Variants in DRG2 observed in about 807,000 individuals in gnomAD.
The protein encoded by DRG2 is developmentally regulated GTP binding protein 2, also known as developmentally-regulated GTP-binding protein 2.
In DRG2, 36 loss-of-function variants were observed where a neutral mutation model predicts 53.4. That is an observed-to-expected ratio of 0.67 (90% CI 0.52 to 0.89). DRG2 has a LOEUF of 0.89. DRG2 is among the 40% of genes least tolerant of loss of function. The pLI is 0.00. For synonymous variants in DRG2, 167 were observed against 192.1 expected (o/e 0.87, Z 1.08); for missense variants, 342 against 481.2 (o/e 0.71, Z 2.71).
At chr17:18,106,197 A>C in intron 11 of DRG2, 1 of 564,970 alleles carries the variant, frequency 1.8e-6, no homozygotes, top group Non-Finnish European at 3.2e-6. Context: ...ATTCCTAACT[A>C]TGCACCACAG....
chr17:18,090,371 TATATATATA>T (rs2045296525), intron 1 of DRG2, among the ~76,000 whole-genome samples: 1 of 8,032 alleles, frequency 1.2e-4, no homozygotes, highest in African/African-American at 6.3e-4. Context: ...GGCTAATTTA[TATATATATA>T]TATATATATA....
At position 18,100,130 on chromosome 17, in the gene DRG2, C is replaced by G. The variant is rs923483008; in HGVS notation, c.468-233C>G. The G allele has an allele frequency of 6.7e-6, 4 of 599,604 alleles. No individual in the cohort carries two copies. In the African/African-American group the frequency reaches 7.4e-5, roughly 11 times the overall value. 37.1% of individuals were successfully genotyped at this position (599,604 alleles called of 1,614,324 possible). ...TGGTCACCTCGCGGGGGCTCCACCA[C>G]TTGCCTGTGCATGCCGACCGTAAAC... On this transcript the variant is annotated intron_variant, in intron 5 of 12. Coordinates refer to ENST00000225729, the MANE Select transcript of DRG2 (RefSeq NM_001388.5). This position sits in a 1 kb window ranked among gnomAD's most constrained non-coding sequence, Gnocchi z 4.1.
intron 8 of DRG2, 38 bp downstream of exon 8, chr17:18,101,628 C>T (rs1317693352): frequency 1.3e-6 from 2 of 1,592,232 alleles, no homozygotes; most frequent in Admixed American, 3.4e-5. Context: ...GGCCACTCGG[C>T]CTTTCTACCA....
rs779751617 is a variant in DRG2, at chr17:18,100,456, T to C, written c.540+21T>C. The C allele has an allele frequency of 6.2e-7, 1 of 1,613,974 alleles. No homozygotes were observed. Among genetic ancestry groups the C allele is most frequent in the Non-Finnish European group, 8.5e-7 (1 of 1,179,904 alleles). On this transcript the variant is annotated intron_variant, in intron 6 of 12. Transcript: ENST00000225729. This position sits in a 1 kb window ranked among gnomAD's most constrained non-coding sequence, Gnocchi z 4.1. ...TCAAGGTGAGGCACCTCTCTGGCCT[T>C]CAGGCCAGGGGTGTGGCAGTTTTGA...
rs1294676151 is a variant in DRG2, at chr17:18,104,640, G to A, written c.913G>A (p.Asp305Asn). 6.2e-7 allele frequency: 1 copy of A among 1,613,898 alleles called. No homozygotes were observed. The highest frequency in any genetic ancestry group is 8.5e-7 in the Non-Finnish European group (1 of 1,180,030). The change falls in exon 11 of 13, where the codon GAC becomes AAC. Residue 305 changes from aspartate (D) to asparagine (N), a missense_variant. Asp to Asn is a conservative substitution (Grantham distance 23). Transcript: ENST00000225729. ...KKRGQRPDFT[D>N]AIILRKGASV... is the part of the protein sequence containing the mutation. ...CCCTGCAGAGAGGCCAGACTTCACA[G>A]ACGCCATCATTCTCCGGAAAGGGGC...
chr17:18,099,511 C>T lies in DRG2; in HGVS notation c.377-122C>T, dbSNP rs2045490470. ...ATGTGGATTAAAGAAAAATGCCAAG[C>T]TTGTGCTAGTATGTGGCAGAGGCTG... On this transcript the variant is annotated intron_variant, in intron 4 of 12. Coordinates refer to ENST00000225729, the MANE Select transcript of DRG2 (RefSeq NM_001388.5). This position sits in a 1 kb window ranked among gnomAD's most constrained non-coding sequence, Gnocchi z 4.4. The T allele has an allele frequency of 1.0e-6, 1 of 1,000,896 alleles. No homozygotes were observed. 62.0% of individuals were successfully genotyped at this position (1,000,896 alleles called of 1,614,324 possible). A position where few individuals can be genotyped will look rare whatever the true frequency, so the allele number is the denominator to read the frequency against.
intron 1 of DRG2, among the ~76,000 whole-genome samples, chr17:18,090,366 A>ATTTATT (rs1443842989): frequency 1.4e-4 from 2 of 14,336 alleles, no homozygotes; most frequent in African/African-American, 2.2e-4. Context: ...CACCGGGCTA[A>ATTTATT]TTTATATATA....
At chr17:18,105,043 C>A (rs1040320961) in intron 11 of DRG2, among the ~76,000 whole-genome samples, 6 of 152,170 alleles carry the variant, frequency 3.9e-5, no homozygotes, top group Non-Finnish European at 8.8e-5. Context: ...GGGAGTGGCA[C>A]CAGCTTAACA....
intron 1 of DRG2, among the ~76,000 whole-genome samples, chr17:18,089,737 C>T (rs781600205): frequency 6.6e-6 from 1 of 152,062 alleles, no homozygotes; most frequent in Non-Finnish European, 1.5e-5. Context: ...GAACCGGTCA[C>T]GCAAACATCT....
chr17:18,104,921 G>A (rs2045601671), intron 11 of DRG2, among the ~76,000 whole-genome samples: 1 of 152,214 alleles, frequency 6.6e-6, no homozygotes, highest in African/African-American at 2.4e-5. Flanking sequence ...GGATAGTCAG[G>A]AGGACACGTT....
At chr17:18,106,512 A>G (rs752131806) in intron 12 of DRG2, 26 bp downstream of exon 12, 14 of 1,613,460 alleles carry the variant, frequency 8.7e-6, no homozygotes, top group Non-Finnish European at 1.1e-5. Flanking sequence ...GAAAGCAACC[A>G]GGGGGGTAGA....
chr17:18,098,212 C>A lies in DRG2; in HGVS notation c.226-58C>A. 1 of 1,465,628 alleles carries A rather than the reference C, an allele frequency of 6.8e-7. No homozygotes were observed. The highest frequency in any genetic ancestry group is 9.5e-7 in the Non-Finnish European group (1 of 1,048,714). 90.8% of individuals were successfully genotyped at this position (1,465,628 alleles called of 1,614,324 possible). A position where few individuals can be genotyped will look rare whatever the true frequency, so the allele number is the denominator to read the frequency against. ...ACCTGCAGGCCCCCAGCCCCTGGGGCCTCTCCCAGAAGGCCAGGGACAAGG... is the reference window on the plus strand; with the variant it reads ...ACCTGCAGGCCCCCAGCCCCTGGGGACTCTCCCAGAAGGCCAGGGACAAGG... On this transcript the variant is annotated intron_variant, in intron 2 of 12. Transcript: ENST00000225729. The surrounding 1 kb of genome is among the most constrained non-coding windows in gnomAD (Gnocchi z 4.1).
chr17:18,102,349 G>A (rs1224327490), intron 9 of DRG2, among the ~76,000 whole-genome samples: 2 of 152,178 alleles, frequency 1.3e-5, no homozygotes, highest in Non-Finnish European at 2.9e-5. Flanking sequence ...TAGGCCAGGC[G>A]TGGTGGCTCA....
chr17:18,098,365 TG>T lies in DRG2; in HGVS notation c.315+9del, dbSNP rs576131367. Reference sequence around the variant, plus strand: ...GTATTCCTGGGGTCATTGAAGTAAGTGGGTGTGCTGGGCCCAGAAGGAGAAG... The same window carrying T: ...GTATTCCTGGGGTCATTGAAGTAAGTGGTGTGCTGGGCCCAGAAGGAGAAG... On this transcript the variant is annotated splice_region_variant and intron_variant, in intron 3 of 12. Transcript: ENST00000225729. This position sits in a 1 kb window ranked among gnomAD's most constrained non-coding sequence, Gnocchi z 4.1. 3.1e-3 allele frequency: 5,000 copies of T among 1,613,236 alleles called. 8 individuals are homozygous for T. The highest frequency in any genetic ancestry group is 3.8e-3 in the Non-Finnish European group (4,493 of 1,179,300).
At chr17:18,104,815 A>G (rs113690017) in intron 11 of DRG2, 134 bp downstream of exon 11, 19 of 1,462,148 alleles carry the variant, frequency 1.3e-5, no homozygotes, top group African/African-American at 1.1e-4. Context: ...CAGGCTCTGG[A>G]GTTGGACAGC....
At position 18,099,716 on chromosome 17, in the gene DRG2, G is replaced by T. The variant is rs1280437317; in HGVS notation, c.460G>T (p.Val154Leu). 6.2e-7 allele frequency: 1 copy of T among 1,603,768 alleles called. No homozygotes were observed. The highest frequency in any genetic ancestry group is 1.7e-5 in the Admixed American group (1 of 58,050). The change falls in exon 5 of 13, where the codon GTG becomes TTG. Residue 154 changes from valine (V) to leucine (L), a missense_variant. Coordinates refer to ENST00000225729, the MANE Select transcript of DRG2 (RefSeq NM_001388.5). This position sits in a 1 kb window ranked among gnomAD's most constrained non-coding sequence, Gnocchi z 4.4. ...IMMLDATKGE[V>L]QRSLLEKELE... Reference sequence around the variant, plus strand: ...GATGCTGGATGCCACCAAGGGAGAGGTGCAGAGGTCCGCAGGGTGGGGCAT... The same window carrying T: ...GATGCTGGATGCCACCAAGGGAGAGTTGCAGAGGTCCGCAGGGTGGGGCAT...
At position 18,088,212 on chromosome 17, in the gene DRG2, A is replaced by G. The variant is rs764472694; in HGVS notation, c.64+125A>G. 5.7e-4 allele frequency: 718 copies of G among 1,251,320 alleles called. 1 individual carries two copies. Among genetic ancestry groups the G allele is most frequent in the Non-Finnish European group, 7.4e-4 (683 of 925,054 alleles). The allele number at this position is 1,251,320 out of a possible 1,614,324, so 77.5% of individuals were successfully genotyped here. A position where few individuals can be genotyped will look rare whatever the true frequency, so the allele number is the denominator to read the frequency against. On this transcript the variant is annotated intron_variant, in intron 1 of 12. Coordinates refer to ENST00000225729, the MANE Select transcript of DRG2 (RefSeq NM_001388.5). ...GAGGCCGCGGAGAAGTTGCCAGACA[A>G]GTGCCGAGGCCGCCCTGCGCGCCCA...
In DRG2 at chr17:18,100,489, T is replaced by C. The variant is rs765560955; in HGVS notation, c.540+54T>C. 2 of 1,613,638 alleles carry C rather than the reference T, an allele frequency of 1.2e-6. No homozygotes were observed. Among genetic ancestry groups the C allele is most frequent in the South Asian group, 1.1e-5 (1 of 91,080 alleles). On this transcript the variant is annotated intron_variant, in intron 6 of 12. Transcript: ENST00000225729. This position sits in a 1 kb window ranked among gnomAD's most constrained non-coding sequence, Gnocchi z 4.1. ...GGGGTGTGGCAGTTTTGAGACTGCA[T>C]TGGCTGGCGGCTGAGGCTGTGGGAC... is the stretch of plus-strand genomic sequence containing the variant.
At chr17:18,097,004 G>A (rs1490076624) in intron 2 of DRG2, 1 of 152,176 alleles carries the variant, frequency 6.6e-6, no homozygotes, top group Non-Finnish European at 1.5e-5. Context: ...TGATAGAGAA[G>A]CCGCTCTAGT....
Sources: gnomAD v4.1 joint callset for allele counts (sites outside exome capture counted in the v4.1 genomes callset) on GRCh38, gnomAD v4.1.1 for gene constraint, Gnocchi (gnomAD v3.1) non-coding constraint, MANE v1.5 for transcripts, NCBI Gene and HGNC (gene_info 2026-07-23, HGNC 2026-07-21) for gene names.